The following SLC4A4 variants were observed in gnomAD, a reference collection of about 807,000 sequenced individuals.
SLC4A4 encodes the protein electrogenic sodium bicarbonate cotransporter 1.
A neutral mutation model predicts 111.5 loss-of-function variants in SLC4A4; 27 were observed. The observed-to-expected ratio is 0.24, with a 90% confidence interval of 0.18 to 0.33. The LOEUF (loss-of-function observed/expected upper bound fraction) is 0.33. SLC4A4 is among the 10% of genes least tolerant of loss of function. SLC4A4 has a pLI of 1.00. For synonymous variants in SLC4A4, 443 were observed against 463.4 expected (o/e 0.96, Z 0.57); for missense variants, 909 against 1,315.5 (o/e 0.69, Z 4.78).
At chr4:71,215,446 G>T (rs923452090) in intron 1 of SLC4A4, among the ~76,000 whole-genome samples, 3 of 152,196 alleles carry the variant, frequency 2.0e-5, no homozygotes, top group Non-Finnish European at 4.4e-5. Flanking sequence ...AGAAGGTGAT[G>T]CTCTTCCACT....
At chr4:71,339,703 C>T (rs1728730949) in intron 4 of SLC4A4, among the ~76,000 whole-genome samples, 198 bp downstream of exon 4, 1 of 152,090 alleles carries the variant, frequency 6.6e-6, no homozygotes, top group Non-Finnish European at 1.5e-5. Flanking sequence ...TCTTATTTCA[C>T]TATTGGGGCA....
At chr4:71,377,444 A>T (rs913157694) in intron 6 of SLC4A4, among the ~76,000 whole-genome samples, 7 of 152,112 alleles carry the variant, frequency 4.6e-5, no homozygotes, top group Non-Finnish European at 8.8e-5. Flanking sequence ...TTGATGAGGG[A>T]TAGTGGAGTA....
chr4:71,460,043 T>C (rs1368019624), intron 12 of SLC4A4, among the ~76,000 whole-genome samples: 1 of 152,092 alleles, frequency 6.6e-6, no homozygotes, highest in African/African-American at 2.4e-5. Flanking sequence ...ACTCTTTGTA[T>C]AATAAGGATA....
intron 2 of SLC4A4, among the ~76,000 whole-genome samples, chr4:71,118,259 T>C (rs893907691): frequency 1.1e-4 from 17 of 152,334 alleles, no homozygotes; most frequent in Admixed American, 3.3e-4. Flanking sequence ...CTATTTCTAT[T>C]TTTTAGTGGT....
chr4:71,411,167 T>A (rs940227781), intron 7 of SLC4A4, among the ~76,000 whole-genome samples: 4 of 152,100 alleles, frequency 2.6e-5, no homozygotes, highest in African/African-American at 9.7e-5. Context: ...ATGTGCCAGG[T>A]TTTCTCCCGT....
intron 16 of SLC4A4, among the ~76,000 whole-genome samples, chr4:71,509,204 G>A (rs1428994084): frequency 6.6e-6 from 1 of 152,164 alleles, no homozygotes; most frequent in Non-Finnish European, 1.5e-5. Context: ...AGACAAAGAT[G>A]CCCTGTCTCA....
intron 7 of SLC4A4, chr4:71,437,278 G>T (rs1724247848): frequency 2.2e-5 from 8 of 365,382 alleles, no homozygotes; most frequent in South Asian, 2.1e-4. Flanking sequence ...ACGGAAATGG[G>T]GAGTGTCCAG....
At chr4:71,186,472 C>G (rs1045063671), upstream of SLC4A4, among the ~76,000 whole-genome samples, 1 of 152,204 alleles carries the variant, frequency 6.6e-6, no homozygotes, top group Admixed American at 6.5e-5. Flanking sequence ...GGACAAAAAG[C>G]TGGACCTAGG....
chr4:71,426,892 G>T (rs1723193598), intron 7 of SLC4A4, among the ~76,000 whole-genome samples: 1 of 152,012 alleles, frequency 6.6e-6, no homozygotes, highest in South Asian at 2.1e-4. Context: ...GTAAAATATG[G>T]TTGTAGTTTT....
At chr4:71,560,416 C>CTCTT (rs3078442) in intron 23 of SLC4A4, among the ~76,000 whole-genome samples, 162 bp downstream of exon 23, 131,691 of 151,380 alleles carry the variant, frequency 0.87, 58,269 homozygotes, top group Non-Finnish European at 0.96. Flanking sequence ...TTTATATTCT[C>CTCTT]TGGTTTTTTA....
intron 2 of SLC4A4, among the ~76,000 whole-genome samples, chr4:71,094,724 T>C (rs377008297): frequency 1.3e-5 from 2 of 152,290 alleles, no homozygotes; most frequent in East Asian, 3.9e-4. Context: ...TTTCACACTT[T>C]TGGGGGATTA....
chr4:71,249,661 A>G (rs891925967), intron 2 of SLC4A4, among the ~76,000 whole-genome samples: 1 of 151,920 alleles, frequency 6.6e-6, no homozygotes, highest in East Asian at 1.9e-4. Context: ...GGCCGAAGTG[A>G]GTGGATCACT....
intron 2 of SLC4A4, among the ~76,000 whole-genome samples, chr4:71,154,756 G>A (rs1168856184): frequency 6.6e-6 from 1 of 151,954 alleles, no homozygotes; most frequent in Non-Finnish European, 1.5e-5. Context: ...AGATTAAGAA[G>A]AAACTAGAAA....
At chr4:71,217,171 C>T (rs147560363) in intron 1 of SLC4A4, among the ~76,000 whole-genome samples, 112 of 152,160 alleles carry the variant, frequency 7.4e-4, no homozygotes, top group African/African-American at 2.6e-3. Flanking sequence ...CTTACTGAGA[C>T]TGAATAATAT....
intron 1 of SLC4A4, among the ~76,000 whole-genome samples, chr4:71,069,667 C>T (rs1194008552): frequency 6.6e-6 from 1 of 152,178 alleles, no homozygotes; most frequent in Admixed American, 6.5e-5. Flanking sequence ...GTTTTCTCAA[C>T]ATCTCCAAGT....
intron 4 of SLC4A4, among the ~76,000 whole-genome samples, chr4:71,347,157 T>A (rs1319314373): frequency 3.3e-5 from 5 of 152,134 alleles, no homozygotes; most frequent in Non-Finnish European, 5.9e-5. Context: ...ACTTTTTAAA[T>A]GTATTCAAAG....
At chr4:71,158,310 C>T (rs995147217) in intron 2 of SLC4A4, among the ~76,000 whole-genome samples, 1 of 152,020 alleles carries the variant, frequency 6.6e-6, no homozygotes, top group African/African-American at 2.4e-5. Flanking sequence ...ACAACAAATC[C>T]AATTTTCTGC....
intron 3 of SLC4A4, among the ~76,000 whole-genome samples, chr4:71,277,192 G>T (rs1723132837): frequency 6.6e-6 from 1 of 152,060 alleles, no homozygotes; most frequent in Non-Finnish European, 1.5e-5. Context: ...TGGTGAATGG[G>T]TGTTTTATTT....
intron 2 of SLC4A4, among the ~76,000 whole-genome samples, chr4:71,107,710 GTT>G (rs35648709): frequency 1.4e-4 from 21 of 148,472 alleles, no homozygotes; most frequent in Admixed American, 7.4e-4. Context: ...TTTCTTTCTT[GTT>G]TTTTTTTTTC....
Sources: allele counts gnomAD v4.1 joint callset (sites outside exome capture counted in the v4.1 genomes callset), GRCh38; gene constraint gnomAD v4.1.1; transcripts MANE v1.5; gene names NCBI Gene and HGNC (gene_info 2026-07-23, HGNC 2026-07-21).